Variants in INSR observed in about 807,000 individuals in gnomAD.
The protein encoded by INSR is IR.
Under a neutral mutation model 142.6 loss-of-function variants are expected in INSR, and 67 were observed. The observed-to-expected ratio is 0.47, with a 90% CI of 0.39 to 0.58. The LOEUF is 0.58. INSR is among the 20% of genes least tolerant of loss of function. INSR has a pLI of 0.00. For synonymous variants in INSR, 756 were observed against 743.1 expected, an observed-to-expected ratio of 1.02 and a Z score of -0.28; for missense variants, 1,248 against 1,833.2, an observed-to-expected ratio of 0.68 and a Z score of 5.83.
At chr19:7,170,854 C>G in intron 5 of INSR, 103 bp from the exon 6 acceptor site, 1 of 880,732 alleles carries the variant, frequency 1.1e-6, no homozygotes, top group Non-Finnish European at 1.9e-6. Flanking sequence ...TGCTACGTGC[C>G]TAATCCTCTC....
intron 1 of INSR, among the ~76,000 whole-genome samples, chr19:7,275,962 G>A (rs1419019796): frequency 1.3e-4 from 20 of 152,092 alleles, no homozygotes; most frequent in East Asian, 1.9e-4. Context: ...GAGAGAAGGC[G>A]GACATGAGAG....
At chr19:7,186,671 C>A (rs1974439751) in intron 2 of INSR, among the ~76,000 whole-genome samples, 1 of 152,074 alleles carries the variant, frequency 6.6e-6, no homozygotes, top group East Asian at 1.9e-4. Flanking sequence ...CAACTCCTGG[C>A]ACCTGCCATT....
At chr19:7,210,259 C>T (rs1206714441) in intron 2 of INSR, among the ~76,000 whole-genome samples, 4 of 149,124 alleles carry the variant, frequency 2.7e-5, no homozygotes, top group African/African-American at 4.9e-5. Flanking sequence ...GCAGGAGAAT[C>T]GCTTGAACCC....
chr19:7,285,158 G>T (rs1968313130), intron 1 of INSR, among the ~76,000 whole-genome samples: 1 of 151,656 alleles, frequency 6.6e-6, no homozygotes, highest in African/African-American at 2.4e-5. Context: ...CTGCTGAAAA[G>T]TTAAAAATTA....
At chr19:7,163,948 A>AAAAAAAAAAAAAAAAAAAAAAAAAAT (rs1411048837) in intron 8 of INSR, among the ~76,000 whole-genome samples, 1 of 136,142 alleles carries the variant, frequency 7.3e-6, no homozygotes, top group African/African-American at 3.1e-5. Context: ...AAAAAAAAAA[A>AAAAAAAAAAAAAAAAAAAAAAAAAAT]ATTAGCTGGA....
chr19:7,155,621 A>C (rs568115634), intron 9 of INSR, among the ~76,000 whole-genome samples: 1 of 149,120 alleles, frequency 6.7e-6, no homozygotes, highest in East Asian at 2.0e-4. Flanking sequence ...GGTTAGAAAA[A>C]GATAAAGGGG....
At chr19:7,155,540 C>CAA (rs57822054) in intron 9 of INSR, among the ~76,000 whole-genome samples, 34,854 of 102,686 alleles carry the variant, frequency 0.34, 6,061 homozygotes, top group Non-Finnish European at 0.39. Context: ...TTCCATCTCT[C>CAA]AAAAAAAAAA....
In INSR at chr19:7,249,378, A is replaced by G. The variant is rs189896975; in HGVS notation, c.652+17967T>C. 5.9e-4 allele frequency among the ~76,000 whole-genome samples: 90 copies of G among 152,258 alleles called. 1 individual carries two copies. Among genetic ancestry groups the G allele is most frequent in the Admixed American group, 5.9e-3 (90 of 15,286 alleles). On this transcript the variant is annotated intron_variant, in intron 2 of 21. Coordinates refer to ENST00000302850, the MANE Select transcript of INSR (RefSeq NM_000208.4). ...TCTCGCTTATAAAAATAATTTTCTTAGCAAAACTTGCCTTCGTCAAGAACA... is the reference window on the plus strand; with the variant it reads ...TCTCGCTTATAAAAATAATTTTCTTGGCAAAACTTGCCTTCGTCAAGAACA...
In INSR at chr19:7,264,809, C is replaced by T. The variant is rs528005497; in HGVS notation, c.652+2536G>A. On this transcript the variant is annotated intron_variant, in intron 2 of 21. Coordinates refer to ENST00000302850, the MANE Select transcript of INSR (RefSeq NM_000208.4). ...GGATTTTTCCACAGTGCAATAATAACGGTCCCCTCTCCCACCACCCTTCAC... is the reference window on the plus strand; with the variant it reads ...GGATTTTTCCACAGTGCAATAATAATGGTCCCCTCTCCCACCACCCTTCAC... Among the ~76,000 whole-genome samples, 77 of 152,318 alleles carry T rather than the reference C, an allele frequency of 5.1e-4. 1 individual carries two copies. The South Asian group carries it at 0.011, about 21-fold the overall frequency.
chr19:7,229,320 G>GGATGGATA (rs1555683749), intron 2 of INSR, among the ~76,000 whole-genome samples: 175 of 66,578 alleles, frequency 2.6e-3, no homozygotes, highest in Admixed American at 6.3e-3. Context: ...ATGGATGGAT[G>GGATGGATA]GATGGATGGA....
chr19:7,143,666 C>A (rs1398376367), intron 11 of INSR, among the ~76,000 whole-genome samples: 1 of 152,208 alleles, frequency 6.6e-6, no homozygotes, highest in Non-Finnish European at 1.5e-5. Flanking sequence ...AACATCTATG[C>A]AATTGGCACA....
intron 9 of INSR, among the ~76,000 whole-genome samples, chr19:7,157,956 C>A (rs1414502482): frequency 6.6e-6 from 1 of 151,428 alleles, no homozygotes; most frequent in Non-Finnish European, 1.5e-5. Context: ...ACATAGAATA[C>A]CCTGCCTGGG....
chr19:7,212,160 C>T (rs911186250), intron 2 of INSR, among the ~76,000 whole-genome samples: 1 of 151,036 alleles, frequency 6.6e-6, no homozygotes, highest in Non-Finnish European at 1.5e-5. Context: ...CCACAGATGT[C>T]CCCAGAAATA....
At chr19:7,200,181 T>C (rs1172770747) in intron 2 of INSR, among the ~76,000 whole-genome samples, 1 of 152,068 alleles carries the variant, frequency 6.6e-6, no homozygotes, top group Non-Finnish European at 1.5e-5. Flanking sequence ...AAGAACACCA[T>C]CGGATTCACA....
At chr19:7,271,482 G>A (rs1287994108) in intron 1 of INSR, among the ~76,000 whole-genome samples, 3 of 151,450 alleles carry the variant, frequency 2.0e-5, no homozygotes, top group African/African-American at 4.9e-5. Flanking sequence ...GCGACAGAGC[G>A]AGACTCCATC....
chr19:7,136,802 G>T (rs781739293), intron 13 of INSR, among the ~76,000 whole-genome samples: 2 of 137,344 alleles, frequency 1.5e-5, no homozygotes, highest in Admixed American at 7.7e-5. Context: ...GAAAAAAAGT[G>T]ATGTAAAACT....
At position 7,113,275 on chromosome 19, in the gene INSR, A is replaced by T. The variant is rs1325858240; in HGVS notation, c.*3781T>A. ...TTGGTGGACTACCTGCCCTGCTAGG[A>T]TACAGTGAAAGATCTGTCTGTCAGT... On this transcript the variant is annotated 3_prime_UTR_variant, in exon 22 of 22. Transcript: ENST00000302850. The T allele has an allele frequency of 6.6e-6, 1 of 152,212 alleles. No individual in the cohort carries two copies. The highest frequency in any genetic ancestry group is 2.4e-5 in the African/African-American group (1 of 41,450). 9.4% of individuals were successfully genotyped at this position (152,212 alleles called of 1,614,324 possible). A position where few individuals can be genotyped will look rare whatever the true frequency, so the allele number is the denominator to read the frequency against.
intron 1 of INSR, chr19:7,268,374 G>C (rs1568229739): frequency 1.1e-6 from 1 of 934,838 alleles, no homozygotes; most frequent in Non-Finnish European, 1.3e-6. Context: ...TTCCCGGACT[G>C]CTCTCCTGAC....
chr19:7,158,352 T>A (rs973619439), intron 9 of INSR, among the ~76,000 whole-genome samples: 1 of 151,744 alleles, frequency 6.6e-6, no homozygotes, highest in African/African-American at 2.4e-5. Flanking sequence ...ATACAAAAAA[T>A]TAGCCGGGCG....
Sources: allele counts gnomAD v4.1 joint callset (sites outside exome capture counted in the v4.1 genomes callset), GRCh38; gene constraint gnomAD v4.1.1; transcripts MANE v1.5; gene names NCBI Gene and HGNC (gene_info 2026-07-23, HGNC 2026-07-21).